The following RAP1GDS1 variants were observed in gnomAD, a reference collection of about 807,000 sequenced individuals.
RAP1GDS1 encodes RAP1, GTP-GDP dissociation stimulator 1.
In RAP1GDS1, 35 loss-of-function variants were observed where a neutral mutation model predicts 71.1. The observed-to-expected ratio is 0.49, with a 90% confidence interval of 0.38 to 0.65. The LOEUF (loss-of-function observed/expected upper bound fraction) is 0.65. RAP1GDS1 is among the 30% of genes least tolerant of loss of function. The pLI is 0.00. For missense variants in RAP1GDS1, 663 were observed against 706.1 expected (o/e 0.94, Z 0.69); for synonymous variants, 229 against 243.1 (o/e 0.94, Z 0.54).
intron 2 of RAP1GDS1, 44 bp downstream of exon 2, chr4:98,293,559 A>T: frequency 7.1e-7 from 1 of 1,417,064 alleles, no homozygotes; most frequent in Non-Finnish European, 9.8e-7. Flanking sequence ...AAGAAAATCA[A>T]ATCAGTAGTC....
At chr4:98,436,246 TGA>T (rs1751122568) in intron 13 of RAP1GDS1, among the ~76,000 whole-genome samples, 1 of 152,132 alleles carries the variant, frequency 6.6e-6, no homozygotes, top group Admixed American at 6.5e-5. Flanking sequence ...CATATATGTG[TGA>T]GTCTATTTCT....
At position 98,424,962 on chromosome 4, in the gene RAP1GDS1, A is replaced by AAAG. The variant is rs575608480; in HGVS notation, c.1440+3571_1440+3573dup. 1.1e-3 allele frequency among the ~76,000 whole-genome samples: 175 copies of AAAG among 152,300 alleles called. 1 individual carries two copies. The South Asian group carries it at 0.018, about 16-fold the overall frequency. On this transcript the variant is annotated intron_variant, in intron 12 of 14. Transcript: ENST00000408927. ...AGGTTATCTAAAGTTAAGACAAAGG[A>AAAG]AAGAATCTTCAGAGCTGTGAAGCAA...
intron 5 of RAP1GDS1, among the ~76,000 whole-genome samples, chr4:98,381,625 A>C (rs940178428): frequency 4.0e-5 from 6 of 151,596 alleles, no homozygotes; most frequent in African/African-American, 1.4e-4. Flanking sequence ...ATTAGCACTA[A>C]TAAGTGAAGT....
At chr4:98,311,793 T>C (rs1730260508) in intron 2 of RAP1GDS1, among the ~76,000 whole-genome samples, 1 of 152,190 alleles carries the variant, frequency 6.6e-6, no homozygotes, top group African/African-American at 2.4e-5. Flanking sequence ...TACTTCACCA[T>C]GTCCAACTAA....
chr4:98,392,870 G>A (rs1195832812), intron 6 of RAP1GDS1, among the ~76,000 whole-genome samples: 3 of 151,820 alleles, frequency 2.0e-5, no homozygotes, highest in South Asian at 4.2e-4. Context: ...AACAAAATCT[G>A]TGGAATCCTT....
intron 4 of RAP1GDS1, among the ~76,000 whole-genome samples, chr4:98,373,646 T>G (rs1390571830): frequency 1.3e-5 from 2 of 152,204 alleles, no homozygotes; most frequent in Non-Finnish European, 2.9e-5. Flanking sequence ...GGATACATTC[T>G]GAGACCCTCA....
chr4:98,416,167 G>C (rs1192535736), intron 7 of RAP1GDS1, among the ~76,000 whole-genome samples: 1 of 152,002 alleles, frequency 6.6e-6, no homozygotes, highest in Non-Finnish European at 1.5e-5. Flanking sequence ...TGCTTTCAGA[G>C]CTGAGTATCA....
intron 1 of RAP1GDS1, among the ~76,000 whole-genome samples, chr4:98,287,315 A>T (rs1410070861): frequency 6.6e-6 from 1 of 152,230 alleles, no homozygotes; most frequent in African/African-American, 2.4e-5. Flanking sequence ...AAACTTATTG[A>T]TGAAGTTTAA....
intron 1 of RAP1GDS1, among the ~76,000 whole-genome samples, chr4:98,263,108 A>C (rs1429696989): frequency 6.6e-6 from 1 of 152,208 alleles, no homozygotes; most frequent in Non-Finnish European, 1.5e-5. Context: ...ACACACGTTT[A>C]TGTGTGTTCC....
At chr4:98,331,157 G>A (rs866760866) in intron 2 of RAP1GDS1, among the ~76,000 whole-genome samples, 5 of 152,202 alleles carry the variant, frequency 3.3e-5, no homozygotes, top group African/African-American at 9.7e-5. Flanking sequence ...CCAGTCAGGC[G>A]TGGCGGCATG....
chr4:98,325,686 A>T (rs931158290), intron 2 of RAP1GDS1, among the ~76,000 whole-genome samples: 4 of 147,476 alleles, frequency 2.7e-5, no homozygotes, highest in African/African-American at 1.0e-4. Flanking sequence ...AAAACCAAAC[A>T]CCGAATATTC....
At chr4:98,429,585 A>G (rs1281150450) in intron 12 of RAP1GDS1, among the ~76,000 whole-genome samples, 2 of 152,186 alleles carry the variant, frequency 1.3e-5, no homozygotes, top group Non-Finnish European at 2.9e-5. Flanking sequence ...AAATCTCACA[A>G]ATCACCACTA....
At chr4:98,436,041 A>C (rs886949285) in intron 13 of RAP1GDS1, among the ~76,000 whole-genome samples, 1 of 151,278 alleles carries the variant, frequency 6.6e-6, no homozygotes, top group African/African-American at 2.4e-5. Context: ...ACTGCACTCC[A>C]GCCTGGGCGA....
rs1751833529 is a variant in RAP1GDS1, at chr4:98,441,300, C to G, written c.1697-690C>G. Reference sequence around the variant, plus strand: ...AGTTCTCAGAGTCCTAACAGGAATCCTATATTTTCTTGTAATTGAAGTTAA... The same window carrying G: ...AGTTCTCAGAGTCCTAACAGGAATCGTATATTTTCTTGTAATTGAAGTTAA... On this transcript the variant is annotated intron_variant, in intron 14 of 14. Coordinates refer to ENST00000408927, the MANE Select transcript of RAP1GDS1 (RefSeq NM_001100427.2). 3 of 961,974 alleles carry G rather than the reference C, an allele frequency of 3.1e-6. No homozygotes were observed. The South Asian group carries it at 1.4e-4, about 46-fold the overall frequency. The allele number at this position is 961,974 out of a possible 1,614,324, so 59.6% of individuals were successfully genotyped here.
rs563495391 is a variant in RAP1GDS1, at chr4:98,414,805, G to A, written c.764-1940G>A. On this transcript the variant is annotated intron_variant, in intron 7 of 14. Coordinates refer to ENST00000408927, the MANE Select transcript of RAP1GDS1 (RefSeq NM_001100427.2). ...GCATTGAATCTGTAAATTACCTTGG[G>A]TAGTATGGCCATTTTCACGATATTG... 7.2e-3 allele frequency among the ~76,000 whole-genome samples: 1,098 copies of A among 152,072 alleles called. 9 individuals are homozygous for A. The highest frequency in any genetic ancestry group is 0.02 in the Middle Eastern group (6 of 294).
chr4:98,303,627 A>AATAATATAATATAAT (rs3048386), intron 2 of RAP1GDS1, among the ~76,000 whole-genome samples: 3,243 of 141,266 alleles, frequency 0.023, 35 homozygotes, highest in African/African-American at 0.035. Context: ...GTAAATTAAT[A>AATAATATAATATAAT]ATAATATAAT....
intron 1 of RAP1GDS1, among the ~76,000 whole-genome samples, chr4:98,292,234 C>G (rs1467770462): frequency 1.3e-5 from 2 of 151,664 alleles, no homozygotes; most frequent in African/African-American, 2.4e-5. Context: ...CTTAAGTGAT[C>G]CTCCCACTGC....
chr4:98,367,811 T>C (rs1739739670), intron 4 of RAP1GDS1, among the ~76,000 whole-genome samples: 1 of 152,244 alleles, frequency 6.6e-6, no homozygotes, highest in Admixed American at 6.5e-5. Context: ...CCAATGCCTA[T>C]AGCCCCATTG....
At chr4:98,407,321 T>A (rs865827073) in intron 7 of RAP1GDS1, among the ~76,000 whole-genome samples, 79 of 151,986 alleles carry the variant, frequency 5.2e-4, no homozygotes, top group Middle Eastern at 3.4e-3. Context: ...CAAAAAAAAA[T>A]TTTTTAAGTA....
Sources: gnomAD v4.1 joint callset for allele counts (sites outside exome capture counted in the v4.1 genomes callset) on GRCh38, gnomAD v4.1.1 for gene constraint, MANE v1.5 for transcripts, NCBI Gene and HGNC (gene_info 2026-07-23, HGNC 2026-07-21) for gene names.